The following FGFR2 variants were observed in gnomAD, a reference collection of about 807,000 sequenced individuals.
FGFR2 encodes the protein BEK fibroblast growth factor receptor.
A neutral mutation model predicts 95.9 loss-of-function variants in FGFR2; 19 were observed. The ratio of observed to expected loss-of-function variants is 0.20; its 90% confidence interval spans 0.14 to 0.29. FGFR2 has a LOEUF of 0.29. Ranked by LOEUF, FGFR2 falls within the 10% of genes least tolerant of loss-of-function variation. The pLI, the probability that FGFR2 is intolerant of heterozygous loss-of-function variation, is 1.00. For synonymous variants in FGFR2, 392 were observed against 393.3 expected (o/e 1.00, Z 0.04); for missense variants, 707 against 1,056.9 (o/e 0.67, Z 4.59).
chr10:121,512,079 T>A (rs559038861), intron 9 of FGFR2, among the ~76,000 whole-genome samples: 1 of 152,126 alleles, frequency 6.6e-6, no homozygotes, highest in East Asian at 1.9e-4. Context: ...CACTGAGTGA[T>A]CCCTGTGTCC....
intron 8 of FGFR2, among the ~76,000 whole-genome samples, chr10:121,516,054 GGT>G (rs558515734): frequency 6.7e-4 from 101 of 151,792 alleles, no homozygotes; most frequent in Non-Finnish European, 1.0e-3. Flanking sequence ...AAAACATAAA[GGT>G]ATTATGTGTG....
At chr10:121,558,611 T>G (rs1343767938) in intron 4 of FGFR2, among the ~76,000 whole-genome samples, 1 of 128,798 alleles carries the variant, frequency 7.8e-6, no homozygotes, top group African/African-American at 3.3e-5. Flanking sequence ...CAGTTTTTTG[T>G]TTTTTTTTTT....
In FGFR2 at chr10:121,500,889, C is replaced by A. The variant is rs2134008805; in HGVS notation, c.1498G>T (p.Ala500Ser). 1 of 1,614,236 alleles carries A rather than the reference C, an allele frequency of 6.2e-7. No homozygotes were observed. Among genetic ancestry groups the A allele is most frequent in the Non-Finnish European group, 8.5e-7 (1 of 1,180,044 alleles). ...GCFGQVVMAE[A>S]VGIDKDKPKE... ...GGCTTGTCTTTGTCAATTCCCACTG[C>A]TTCCGCCATGACCACTTGCCCAAAG... is the stretch of plus-strand genomic sequence containing the variant. The change falls in exon 11 of 18, where the codon GCA becomes TCA. Residue 500 changes from alanine (A) to serine (S), a missense_variant. By Grantham distance (99) the Ala-to-Ser change is moderately conservative. Transcript: ENST00000358487.
intron 4 of FGFR2, among the ~76,000 whole-genome samples, chr10:121,559,133 A>AAAC (rs1564987292): frequency 1.3e-5 from 2 of 148,664 alleles, no homozygotes; most frequent in Admixed American, 6.7e-5. Context: ...AAAAAAAAAA[A>AAAC]CTCAAAAAAG....
At chr10:121,537,718 C>T (rs1853060628) in intron 6 of FGFR2, among the ~76,000 whole-genome samples, 1 of 362 alleles carries the variant, frequency 2.8e-3, no homozygotes, top group African/African-American at 0.011. Flanking sequence ...GGAGGACAAA[C>T]CAAAAGAAGG....
intron 2 of FGFR2, among the ~76,000 whole-genome samples, chr10:121,568,084 A>T (rs150307427): frequency 5.9e-5 from 9 of 152,340 alleles, no homozygotes; most frequent in African/African-American, 2.2e-4. Flanking sequence ...ACTTTAAACT[A>T]TGGAGACCAA....
At chr10:121,487,498 T>TA in intron 14 of FGFR2, 74 bp from the exon 15 acceptor site, 6 of 1,231,864 alleles carry the variant, frequency 4.9e-6, no homozygotes, top group Non-Finnish European at 5.9e-6. Flanking sequence ...AATAGGGCTA[T>TA]GCCCTGTTTA....
At chr10:121,564,011 T>C (rs774427951) in intron 4 of FGFR2, among the ~76,000 whole-genome samples, 26 of 152,238 alleles carry the variant, frequency 1.7e-4, no homozygotes, top group Non-Finnish European at 3.4e-4. Context: ...TATGGGGCTG[T>C]GCTCTGCATC....
chr10:121,575,033 C>A (rs9787582), intron 2 of FGFR2, among the ~76,000 whole-genome samples: 2,641 of 152,292 alleles, frequency 0.017, 61 homozygotes, highest in East Asian at 0.073. Context: ...GCAGCGGTAG[C>A]TGGATTTCTC....
chr10:121,515,176 T>C lies in FGFR2; in HGVS notation c.1228A>G (p.Ser410Gly), dbSNP rs1242158155. 1 of 1,614,220 alleles carries C rather than the reference T, an allele frequency of 6.2e-7. No individual in the cohort carries two copies. The highest frequency in any genetic ancestry group is 1.7e-5 in the Admixed American group (1 of 60,028). Reference sequence around the variant, plus strand: ...AGCTTGTGCACAGCCGGCTGGCTGCTGAAGTCTGGCTTCTTGGTCGTGTTC... The same window carrying C: ...AGCTTGTGCACAGCCGGCTGGCTGCCGAAGTCTGGCTTCTTGGTCGTGTTC... ...MKNTTKKPDF[S>G]SQPAVHKLTK... The change falls in exon 9 of 18, where the codon AGC (serine) becomes GGC (glycine). Residue 410 changes from serine to glycine, a missense_variant. By Grantham distance (56) the Ser-to-Gly change is moderately conservative. This residue lies in a region of FGFR2 where 194 missense variants were observed against 267.3 expected (regional missense o/e 0.73). Coordinates refer to ENST00000358487, the MANE Select transcript of FGFR2 (RefSeq NM_000141.5).
chr10:121,500,856 C>A lies in FGFR2; in HGVS notation c.1531G>T (p.Ala511Ser). 6.2e-7 allele frequency: 1 copy of A among 1,614,206 alleles called. No individual in the cohort carries two copies. The highest frequency in any genetic ancestry group is 8.5e-7 in the Non-Finnish European group (1 of 1,180,032). ...VGIDKDKPKE[A>S]VTVAVKMLKD... is the part of the protein sequence containing the mutation. ...AACATCTTCACGGCCACGGTGACCGCCTCCTTGGGCTTGTCTTTGTCAATT... is the reference window on the plus strand; with the variant it reads ...AACATCTTCACGGCCACGGTGACCGACTCCTTGGGCTTGTCTTTGTCAATT... The change falls in exon 11 of 18, where the codon GCG becomes TCG. Residue 511 changes from alanine to serine, a missense_variant. Ala to Ser is a moderately conservative substitution (Grantham distance 99). This residue lies in a region of FGFR2 where 194 missense variants were observed against 267.3 expected (regional missense o/e 0.73). Coordinates refer to ENST00000358487, the MANE Select transcript of FGFR2 (RefSeq NM_000141.5).
chr10:121,480,350 T>C, intron 17 of FGFR2: 1 of 439,566 alleles, frequency 2.3e-6, no homozygotes. Flanking sequence ...CTAGTTGAGC[T>C]ATAGGTGCTG....
At chr10:121,571,294 C>CTT (rs35943673) in intron 2 of FGFR2, among the ~76,000 whole-genome samples, 568 of 39,320 alleles carry the variant, frequency 0.014, 33 homozygotes, top group African/African-American at 0.048. Context: ...CGTGCCTGGC[C>CTT]TTTTTTTTTT....
chr10:121,564,794 TTC>T (rs1857439824), intron 3 of FGFR2, among the ~76,000 whole-genome samples: 1 of 152,182 alleles, frequency 6.6e-6, no homozygotes, highest in African/African-American at 2.4e-5. Flanking sequence ...GTTTTCTGCT[TTC>T]ACGCTATTTA....
rs1173224369 is a variant in FGFR2 at position 121,500,882 on chromosome 10, C to T, written c.1505G>A (p.Gly502Glu). 6.2e-7 allele frequency: 1 copy of T among 1,614,148 alleles called. No homozygotes were observed. Among genetic ancestry groups the T allele is most frequent in the Admixed American group, 1.7e-5 (1 of 60,024 alleles). The change falls in exon 11 of 18, where the codon GGA becomes GAA. Residue 502 changes from glycine (G) to glutamate (E), a missense_variant. Gly to Glu is a moderately conservative substitution (Grantham distance 98). Transcript: ENST00000358487. The part of the protein sequence containing the change: ...FGQVVMAEAV[G>E]IDKDKPKEAV... ...CTCCTTGGGCTTGTCTTTGTCAATT[C>T]CCACTGCTTCCGCCATGACCACTTG...
chr10:121,588,429 G>A (rs777933326), intron 2 of FGFR2, among the ~76,000 whole-genome samples: 1 of 151,726 alleles, frequency 6.6e-6, no homozygotes, highest in African/African-American at 2.4e-5. Context: ...AAAGAACTTG[G>A]CCTCAAGTTC....
intron 4 of FGFR2, among the ~76,000 whole-genome samples, chr10:121,562,452 C>A (rs1460960519): frequency 1.3e-5 from 2 of 151,952 alleles, no homozygotes; most frequent in African/African-American, 4.8e-5. Flanking sequence ...ACTTGGCTAA[C>A]CTATGTATTT....
chr10:121,529,021 G>A (rs1851752953), intron 6 of FGFR2, among the ~76,000 whole-genome samples: 1 of 151,988 alleles, frequency 6.6e-6, no homozygotes, highest in Non-Finnish European at 1.5e-5. Context: ...CTGCCTCCCG[G>A]GTACAAGCAA....
intron 4 of FGFR2, among the ~76,000 whole-genome samples, chr10:121,562,505 C>T (rs750987022): frequency 2.6e-5 from 4 of 152,100 alleles, no homozygotes; most frequent in Non-Finnish European, 5.9e-5. Flanking sequence ...AAGCTGGTCT[C>T]GAACTTTTGT....
Sources: gnomAD v4.1 joint callset for allele counts (sites outside exome capture counted in the v4.1 genomes callset) on GRCh38, gnomAD v4.1.1 for gene constraint, gnomAD v4.1.1 regional missense constraint, MANE v1.5 for transcripts, NCBI Gene and HGNC (gene_info 2026-07-23, HGNC 2026-07-21) for gene names.